Variants in ALCAM observed in about 807,000 individuals in gnomAD.
The protein encoded by ALCAM is activated leukocyte cell adhesion molecule.
A neutral mutation model predicts 70.9 loss-of-function variants in ALCAM; 30 were observed. The observed-to-expected ratio is 0.42, with a 90% CI of 0.32 to 0.57. ALCAM has a LOEUF of 0.57. Among genes scored for constraint, ALCAM ranks in the 20% least tolerant of loss-of-function variants. ALCAM has a pLI of 0.11. For synonymous variants in ALCAM, 249 were observed against 242.5 expected (o/e 1.03, Z -0.25); for missense variants, 591 against 695.1 (o/e 0.85, Z 1.68).
At chr3:105,463,111 C>G (rs375830531) in intron 1 of ALCAM, among the ~76,000 whole-genome samples, 1 of 151,434 alleles carries the variant, frequency 6.6e-6, no homozygotes, top group South Asian at 2.1e-4. Flanking sequence ...GCACCTTCCA[C>G]AAATCCATAC....
chr3:105,416,072 A>G (rs1936500316), intron 1 of ALCAM, among the ~76,000 whole-genome samples: 1 of 151,964 alleles, frequency 6.6e-6, no homozygotes, highest in South Asian at 2.1e-4. Context: ...AATTCAGCCC[A>G]TTTTTATTAG....
intron 2 of ALCAM, among the ~76,000 whole-genome samples, chr3:105,522,973 A>G (rs1316011352): frequency 6.6e-6 from 1 of 152,036 alleles, no homozygotes; most frequent in Non-Finnish European, 1.5e-5. Context: ...CCCCGTCTCT[A>G]CTAAAAATAC....
At chr3:105,515,145 A>G (rs964607688) in intron 1 of ALCAM, among the ~76,000 whole-genome samples, 8 of 151,974 alleles carry the variant, frequency 5.3e-5, no homozygotes, top group African/African-American at 1.7e-4. Flanking sequence ...TTTATACAAT[A>G]AAGTATGGGA....
intron 12 of ALCAM, among the ~76,000 whole-genome samples, chr3:105,551,073 G>C (rs1035753846): frequency 2.0e-5 from 3 of 151,560 alleles, no homozygotes; most frequent in Non-Finnish European, 4.4e-5. Context: ...TTGGAAACCT[G>C]TATATGACAT....
chr3:105,396,149 C>G (rs967316091), intron 1 of ALCAM, among the ~76,000 whole-genome samples: 1 of 151,980 alleles, frequency 6.6e-6, no homozygotes, highest in Non-Finnish European at 1.5e-5. Context: ...TTATTAGACA[C>G]TCATCATAAG....
At chr3:105,571,783 CTTAAAA>C (rs1940865733) in intron 14 of ALCAM, 63 bp from the exon 15 acceptor site, 3 of 1,200,116 alleles carry the variant, frequency 2.5e-6, no homozygotes, top group African/African-American at 1.6e-5. Context: ...TAATTCAAAT[CTTAAAA>C]TTAAATATAA....
chr3:105,532,885 TG>T (rs1313015875), intron 4 of ALCAM, among the ~76,000 whole-genome samples: 1 of 152,146 alleles, frequency 6.6e-6, no homozygotes, highest in African/African-American at 2.4e-5. Context: ...ATTATGCTAC[TG>T]AAAGATTGAA....
At chr3:105,526,807 A>G (rs1277040772) in intron 3 of ALCAM, among the ~76,000 whole-genome samples, 1 of 152,134 alleles carries the variant, frequency 6.6e-6, no homozygotes, top group Non-Finnish European at 1.5e-5. Context: ...CTGCATGTGT[A>G]TATTGCAGTC....
intron 3 of ALCAM, among the ~76,000 whole-genome samples, chr3:105,525,566 T>A (rs1939682437): frequency 6.6e-6 from 1 of 152,156 alleles, no homozygotes; most frequent in South Asian, 2.1e-4. Flanking sequence ...ATTATTAAAA[T>A]AAATAGGGAA....
At chr3:105,399,180 A>G (rs1936025013) in intron 1 of ALCAM, among the ~76,000 whole-genome samples, 1 of 152,134 alleles carries the variant, frequency 6.6e-6, no homozygotes, top group Non-Finnish European at 1.5e-5. Context: ...GTTTTAACAG[A>G]AATTATTCAG....
chr3:105,431,123 C>T (rs941618702), intron 1 of ALCAM, among the ~76,000 whole-genome samples: 3 of 150,192 alleles, frequency 2.0e-5, no homozygotes. Flanking sequence ...TTGCAAATCC[C>T]CACTTATATC....
chr3:105,473,832 C>T (rs1434445882), intron 1 of ALCAM, among the ~76,000 whole-genome samples: 1 of 151,592 alleles, frequency 6.6e-6, no homozygotes, highest in East Asian at 1.9e-4. Flanking sequence ...GTCAATTAAG[C>T]CACTAGACAA....
At chr3:105,538,696 G>A (rs754304633) in intron 6 of ALCAM, among the ~76,000 whole-genome samples, 11 of 152,112 alleles carry the variant, frequency 7.2e-5, no homozygotes, top group Non-Finnish European at 1.2e-4. Flanking sequence ...AAAAGCAAGA[G>A]AGGCCCGGAA....
At chr3:105,443,296 T>A (rs933592252) in intron 1 of ALCAM, among the ~76,000 whole-genome samples, 2 of 152,184 alleles carry the variant, frequency 1.3e-5, no homozygotes, top group African/African-American at 4.8e-5. Context: ...TTTTTCTAAC[T>A]GCATTCCTAA....
At position 105,576,056 on chromosome 3, in the gene ALCAM, G is replaced by A. The variant is rs573292925; in HGVS notation, c.*1605G>A. 1.1e-4 allele frequency: 16 copies of A among 152,346 alleles called. No homozygotes were observed. The highest frequency in any genetic ancestry group is 2.0e-4 in the Admixed American group (3 of 15,284). The allele number at this position is 152,346 out of a possible 1,614,324, so 9.4% of individuals were successfully genotyped here. On this transcript the variant is annotated 3_prime_UTR_variant, in exon 16 of 16. Transcript: ENST00000306107. ...GTGACTCCGTTTAATAAAAGCTTCCGTAGTGCATTGGTATGGATTAAATGC... is the reference window on the plus strand; with the variant it reads ...GTGACTCCGTTTAATAAAAGCTTCCATAGTGCATTGGTATGGATTAAATGC...
chr3:105,524,999 T>C (rs1939659647), intron 3 of ALCAM: 9 of 945,558 alleles, frequency 9.5e-6, no homozygotes, highest in Non-Finnish European at 1.1e-5. Context: ...CATTTATATA[T>C]ATCCACATAT....
intron 1 of ALCAM, among the ~76,000 whole-genome samples, chr3:105,415,545 A>G (rs1337599406): frequency 1.3e-5 from 2 of 152,144 alleles, no homozygotes; most frequent in Non-Finnish European, 2.9e-5. Context: ...AGCCAAAGAA[A>G]CATTTATTGG....
At chr3:105,563,680 T>TTTTTTTTTTTTC (rs1940679678) in intron 14 of ALCAM, among the ~76,000 whole-genome samples, 1 of 98,330 alleles carries the variant, frequency 1.0e-5, no homozygotes, top group African/African-American at 4.6e-5. Flanking sequence ...TTTTTTTTTT[T>TTTTTTTTTTTTC]TTTTTTTTTT....
chr3:105,509,255 T>G (rs1313919133), intron 1 of ALCAM, among the ~76,000 whole-genome samples: 1 of 152,104 alleles, frequency 6.6e-6, no homozygotes, highest in Non-Finnish European at 1.5e-5. Context: ...GATTATCTGG[T>G]AGTTCTATTT....
Sources: allele counts gnomAD v4.1 joint callset (sites outside exome capture counted in the v4.1 genomes callset), GRCh38; gene constraint gnomAD v4.1.1; transcripts MANE v1.5; gene names NCBI Gene and HGNC (gene_info 2026-07-23, HGNC 2026-07-21).